IQGAP2: variants seen among roughly 807,000 people sequenced by gnomAD.
The protein encoded by IQGAP2 is IQ motif containing GTPase activating protein 2.
IQGAP2 carries 173 observed loss-of-function variants against 201.3 expected under a neutral mutation model. The ratio of observed to expected loss-of-function variants is 0.86; its 90% CI spans 0.76 to 0.98. The LOEUF is 0.98. IQGAP2 is among the 50% of genes least tolerant of loss of function. IQGAP2 has a pLI of 0.00. For synonymous variants in IQGAP2, 675 were observed against 673.9 expected (o/e 1.00, Z -0.03); for missense variants, 1,687 against 1,864.8 (o/e 0.90, Z 1.76).
At chr5:76,429,640 A>G (rs915200691) in intron 1 of IQGAP2, among the ~76,000 whole-genome samples, 7 of 145,938 alleles carry the variant, frequency 4.8e-5, no homozygotes, top group Admixed American at 2.8e-4. Context: ...ATATATACAT[A>G]TATGTATATA....
At chr5:76,474,327 G>T (rs779512507) in intron 2 of IQGAP2, among the ~76,000 whole-genome samples, 1 of 152,088 alleles carries the variant, frequency 6.6e-6, no homozygotes, top group African/African-American at 2.4e-5. Flanking sequence ...GCTCAATAAA[G>T]AAAAAATATA....
At chr5:76,617,466 C>T (rs190180917) in intron 13 of IQGAP2, 1 of 727,966 alleles carries the variant, frequency 1.4e-6, no homozygotes, top group Non-Finnish European at 2.2e-6. Flanking sequence ...TAATGTTTGA[C>T]CTTTGAAGCA....
chr5:76,664,723 GA>G (rs1175258893), intron 21 of IQGAP2, among the ~76,000 whole-genome samples: 1 of 151,860 alleles, frequency 6.6e-6, no homozygotes, highest in Non-Finnish European at 1.5e-5. Context: ...CCCCGTAATA[GA>G]TAGTATAATA....
At chr5:76,603,433 CA>C in intron 11 of IQGAP2, among the ~76,000 whole-genome samples, 1 of 152,278 alleles carries the variant, frequency 6.6e-6, no homozygotes, top group South Asian at 2.1e-4. Flanking sequence ...CTATAAAGCA[CA>C]AAAACAAAAG....
intron 11 of IQGAP2, among the ~76,000 whole-genome samples, chr5:76,601,867 G>A (rs150250486): frequency 6.6e-6 from 1 of 152,268 alleles, no homozygotes; most frequent in African/African-American, 2.4e-5. Context: ...GGTTTTCCTT[G>A]TTTTTAGTCT....
intron 5 of IQGAP2, among the ~76,000 whole-genome samples, chr5:76,584,421 A>C (rs764272129): frequency 2.0e-5 from 3 of 152,214 alleles, no homozygotes; most frequent in Non-Finnish European, 2.9e-5. Context: ...AATTCGATTG[A>C]CTGAGAAACA....
chr5:76,675,163 G>C (rs575280347), intron 27 of IQGAP2, among the ~76,000 whole-genome samples: 1 of 152,136 alleles, frequency 6.6e-6, no homozygotes, highest in African/African-American at 2.4e-5. Flanking sequence ...GAACTGCTCG[G>C]GTCTATTTAT....
intron 5 of IQGAP2, among the ~76,000 whole-genome samples, chr5:76,583,588 T>C (rs1746027132): frequency 2.0e-5 from 3 of 152,190 alleles, no homozygotes; most frequent in African/African-American, 7.2e-5. Context: ...ATATCAGACT[T>C]AAATTTAAAA....
At chr5:76,517,168 G>A (rs1758381158) in intron 2 of IQGAP2, among the ~76,000 whole-genome samples, 1 of 151,818 alleles carries the variant, frequency 6.6e-6, no homozygotes, top group Admixed American at 6.6e-5. Flanking sequence ...AACACTTAAA[G>A]TATAAAAGGA....
intron 2 of IQGAP2, among the ~76,000 whole-genome samples, chr5:76,521,601 T>C (rs1230782099): frequency 1.3e-5 from 2 of 152,234 alleles, no homozygotes; most frequent in Non-Finnish European, 2.9e-5. Context: ...TGATGCTTTG[T>C]ACAAGTTTCA....
chr5:76,548,505 C>T (rs867805617), intron 2 of IQGAP2, among the ~76,000 whole-genome samples: 2 of 152,350 alleles, frequency 1.3e-5, no homozygotes, highest in Non-Finnish European at 1.5e-5. Context: ...AAGCCCTGTT[C>T]ACCCTATTAA....
intron 2 of IQGAP2, chr5:76,547,335 C>A: frequency 2.1e-6 from 1 of 478,556 alleles, no homozygotes; most frequent in Non-Finnish European, 2.7e-6. Flanking sequence ...TATGGGCTGG[C>A]TTTATGGCAT....
intron 2 of IQGAP2, among the ~76,000 whole-genome samples, chr5:76,521,208 AT>A (rs1488204619): frequency 6.6e-6 from 1 of 152,162 alleles, no homozygotes; most frequent in African/African-American, 2.4e-5. Context: ...AGAAAACATA[AT>A]TATTTGTCCA....
intron 1 of IQGAP2, among the ~76,000 whole-genome samples, chr5:76,452,392 C>T (rs948361200): frequency 6.6e-6 from 1 of 152,022 alleles, no homozygotes; most frequent in Non-Finnish European, 1.5e-5. Flanking sequence ...CCTCTACCCT[C>T]CCCCCAGGAA....
rs1561416311 is a variant in IQGAP2 at position 76,496,745 on chromosome 5, C to CTTTCTTTCTTTCTTTCT, written c.146+35079_146+35095dup. ...CTTTCTTTTCTTTCTTTCTTTCTTT[C>CTTTCTTTCTTTCTTTCT]TTTCTTTCTTTCTTTCTTTCTTTCT... On this transcript the variant is annotated intron_variant, in intron 2 of 35. Transcript: ENST00000274364. Among the ~76,000 whole-genome samples the CTTTCTTTCTTTCTTTCT allele has an allele frequency of 1.8e-3, 94 of 51,088 alleles. 4 individuals are homozygous for CTTTCTTTCTTTCTTTCT. The highest frequency in any genetic ancestry group is 0.012 in the Admixed American group (52 of 4,422). The allele number at this position is 51,088 out of a possible 152,430, so 33.5% of individuals were successfully genotyped here. A position where few individuals can be genotyped will look rare whatever the true frequency, so the allele number is the denominator to read the frequency against.
intron 2 of IQGAP2, among the ~76,000 whole-genome samples, chr5:76,484,269 G>T (rs552538806): frequency 4.6e-5 from 7 of 152,342 alleles, no homozygotes; most frequent in African/African-American, 1.7e-4. Context: ...AGTGGCTTTA[G>T]TCAGGTGTCA....
At chr5:76,574,147 G>C (rs937060309) in intron 4 of IQGAP2, among the ~76,000 whole-genome samples, 3 of 151,964 alleles carry the variant, frequency 2.0e-5, no homozygotes, top group Non-Finnish European at 4.4e-5. Context: ...TTTAGTTTTT[G>C]ATGTCAGTTT....
intron 2 of IQGAP2, among the ~76,000 whole-genome samples, chr5:76,501,603 G>T (rs1275946328): frequency 1.5e-5 from 2 of 135,442 alleles, no homozygotes; most frequent in African/African-American, 2.8e-5. Context: ...GAGCTTTTAT[G>T]TTCTAAGCAG....
intron 13 of IQGAP2, among the ~76,000 whole-genome samples, chr5:76,623,936 C>CTTTTTTTTTTTTTTT (rs368076875): frequency 9.9e-6 from 1 of 100,778 alleles, no homozygotes; most frequent in African/African-American, 4.0e-5. Context: ...TTTGTTCAGG[C>CTTTTTTTTTTTTTTT]TTTTTTTTTT....
Sources: gnomAD v4.1 joint callset for allele counts (sites outside exome capture counted in the v4.1 genomes callset) on GRCh38, gnomAD v4.1.1 for gene constraint, MANE v1.5 for transcripts, NCBI Gene and HGNC (gene_info 2026-07-23, HGNC 2026-07-21) for gene names.